PDIA5: variants seen among roughly 807,000 people sequenced by gnomAD.
PDIA5 encodes the protein protein disulfide-isomerase A5.
Under a neutral mutation model 77.6 loss-of-function variants are expected in PDIA5, and 58 were observed. That is an observed-to-expected ratio of 0.75 (90% CI 0.61 to 0.93). The LOEUF (loss-of-function observed/expected upper bound fraction) is 0.93, where lower values mean the gene tolerates loss of function less well. Among genes scored for constraint, PDIA5 ranks in the 40% least tolerant of loss-of-function variants. The pLI is 0.00. For synonymous variants in PDIA5, 250 were observed against 252.1 expected (o/e 0.99, Z 0.08); for missense variants, 630 against 647.7 (o/e 0.97, Z 0.30).
chr3:123,101,504 T>C (rs1321580404), intron 3 of PDIA5, among the ~76,000 whole-genome samples: 1 of 152,222 alleles, frequency 6.6e-6, no homozygotes, highest in African/African-American at 2.4e-5. Flanking sequence ...GAGGGGCTCC[T>C]TTAACCACAG....
chr3:123,100,538 C>T (rs1934562850), intron 3 of PDIA5, among the ~76,000 whole-genome samples: 2 of 152,180 alleles, frequency 1.3e-5, no homozygotes, highest in Admixed American at 1.3e-4. Context: ...TCATGAGTCC[C>T]CACTGTTTGC....
intron 1 of PDIA5, among the ~76,000 whole-genome samples, chr3:123,070,814 G>C (rs570073746): frequency 6.6e-6 from 1 of 152,100 alleles, no homozygotes; most frequent in Non-Finnish European, 1.5e-5. Context: ...GAGAAACGTC[G>C]AGCTGGAGTG....
At position 123,110,872 on chromosome 3, in the gene PDIA5, G is replaced by C. The variant is rs957902244; in HGVS notation, c.481-72G>C. On this transcript the variant is annotated intron_variant, in intron 6 of 16. Coordinates refer to ENST00000316218, the MANE Select transcript of PDIA5 (RefSeq NM_006810.4). The stretch of plus-strand genomic sequence containing the variant: ...ACCCTTCACCCTGCTGTATGCAGGA[G>C]GGGCGGGGAGGGGGTCTCATCCTGT... 4.1e-6 allele frequency: 5 copies of C among 1,214,684 alleles called. No homozygotes were observed. In the African/African-American group the frequency reaches 6.0e-5, roughly 14 times the overall value. The allele number at this position is 1,214,684 out of a possible 1,614,324, so 75.2% of individuals were successfully genotyped here.
Position 123,162,015 on chromosome 3 carries a change from G to T in PDIA5, c.*55G>T. ...CACTGTGAATGATACCTGTTTTGTT[G>T]TTTCTGAATTTCCACATGTTCTGAA... On this transcript the variant is annotated 3_prime_UTR_variant, in exon 17 of 17. Coordinates refer to ENST00000316218, the MANE Select transcript of PDIA5 (RefSeq NM_006810.4). The T allele has an allele frequency of 9.6e-7, 1 of 1,046,890 alleles. No homozygotes were observed. Among genetic ancestry groups the T allele is most frequent in the Non-Finnish European group, 1.5e-6 (1 of 685,928 alleles). The allele number at this position is 1,046,890 out of a possible 1,614,324, so 64.9% of individuals were successfully genotyped here.
chr3:123,092,523 C>A, intron 3 of PDIA5, 81 bp downstream of exon 3: 1 of 991,444 alleles, frequency 1.0e-6, no homozygotes, highest in Non-Finnish European at 1.6e-6. Flanking sequence ...CAGGAACTGT[C>A]TCTTGATTAA....
At chr3:123,145,229 G>T (rs1935740734) in intron 11 of PDIA5, 1 of 346,936 alleles carries the variant, frequency 2.9e-6, no homozygotes, top group South Asian at 5.7e-5. Flanking sequence ...GATAATGTCA[G>T]TTCCTACTTT....
intron 8 of PDIA5, among the ~76,000 whole-genome samples, chr3:123,123,257 G>C (rs1433739537): frequency 2.0e-5 from 3 of 152,164 alleles, no homozygotes; most frequent in African/African-American, 7.2e-5. Context: ...GAGTTTTAGG[G>C]GATTCCTTAT....
intron 7 of PDIA5, among the ~76,000 whole-genome samples, chr3:123,111,505 A>G (rs1189599391): frequency 6.6e-6 from 1 of 152,206 alleles, no homozygotes; most frequent in Non-Finnish European, 1.5e-5. Flanking sequence ...TGGTTCCAGG[A>G]TTTGGGCTCA....
chr3:123,122,258 A>T (rs1935137433), intron 8 of PDIA5, among the ~76,000 whole-genome samples: 1 of 152,118 alleles, frequency 6.6e-6, no homozygotes, highest in South Asian at 2.1e-4. Flanking sequence ...GTGCACTGAC[A>T]CTGGGGAGAT....
intron 2 of PDIA5, among the ~76,000 whole-genome samples, chr3:123,089,584 G>C (rs1196859709): frequency 6.6e-6 from 1 of 152,286 alleles, no homozygotes; most frequent in African/African-American, 2.4e-5. Flanking sequence ...AAGTAGGACA[G>C]AGGATCACAG....
chr3:123,093,260 T>G (rs770115249), intron 3 of PDIA5, among the ~76,000 whole-genome samples: 6 of 130,888 alleles, frequency 4.6e-5, no homozygotes, highest in African/African-American at 9.4e-5. Context: ...CTGTAGAGGG[T>G]GTGTGTGTGT....
chr3:123,113,270 C>A (rs572478179), intron 7 of PDIA5, among the ~76,000 whole-genome samples: 1 of 152,288 alleles, frequency 6.6e-6, no homozygotes, highest in East Asian at 1.9e-4. Context: ...TGTAACCAGG[C>A]AGGTCTCAGT....
intron 12 of PDIA5, 90 bp downstream of exon 12, chr3:123,145,682 G>A (rs1935752621): frequency 8.8e-7 from 1 of 1,132,070 alleles, no homozygotes; most frequent in Non-Finnish European, 1.3e-6. Flanking sequence ...AAGCCCTGCT[G>A]CAGCTCCCGT....
intron 8 of PDIA5, among the ~76,000 whole-genome samples, chr3:123,116,522 C>A (rs1335621935): frequency 2.0e-5 from 3 of 152,182 alleles, no homozygotes; most frequent in African/African-American, 7.2e-5. Flanking sequence ...TGACACCTGC[C>A]AAAGGCCAGT....
At chr3:123,089,369 A>G (rs571922395) in intron 2 of PDIA5, 75 bp downstream of exon 2, 86 of 1,477,118 alleles carry the variant, frequency 5.8e-5, no homozygotes, top group South Asian at 2.0e-4. Flanking sequence ...GGGAGGCAGG[A>G]GACGTTAGGA....
At chr3:123,069,707 C>T (rs1169151577) in intron 1 of PDIA5, among the ~76,000 whole-genome samples, 2 of 152,138 alleles carry the variant, frequency 1.3e-5, no homozygotes, top group Admixed American at 6.5e-5. Context: ...ACCCTCATGA[C>T]CTAATTACGT....
intron 11 of PDIA5, among the ~76,000 whole-genome samples, chr3:123,137,226 G>A (rs763550682): frequency 4.6e-5 from 7 of 152,140 alleles, no homozygotes; most frequent in Non-Finnish European, 7.3e-5. Flanking sequence ...TGCTAAGCTC[G>A]GCAAAACAGC....
chr3:123,137,769 A>C (rs1332754883), intron 11 of PDIA5, among the ~76,000 whole-genome samples: 1 of 152,210 alleles, frequency 6.6e-6, no homozygotes, highest in African/African-American at 2.4e-5. Flanking sequence ...GCCACAGCCT[A>C]ACCACTGAGC....
At position 123,077,502 on chromosome 3, in the gene PDIA5, G is replaced by A. The variant is rs115923727; in HGVS notation, c.42+10296G>A. Among the ~76,000 whole-genome samples, 1,239 of 151,814 alleles carry A rather than the reference G, an allele frequency of 8.2e-3. 18 individuals are homozygous for A. The highest frequency in any genetic ancestry group is 0.029 in the African/African-American group (1,187 of 41,348). ...TTAGCCCCCTTGGCTGCCACTAGCC[G>A]AGGGTCTCACATCCCAGGGCCAGCC... is the stretch of plus-strand genomic sequence containing the variant. On this transcript the variant is annotated intron_variant, in intron 1 of 16. Transcript: ENST00000316218.
Sources: allele counts gnomAD v4.1 joint callset (sites outside exome capture counted in the v4.1 genomes callset), GRCh38; gene constraint gnomAD v4.1.1; transcripts MANE v1.5; gene names NCBI Gene and HGNC (gene_info 2026-07-23, HGNC 2026-07-21).